Variants in DAB1 observed in about 807,000 individuals in gnomAD.
The protein encoded by DAB1 is disabled homolog 1.
DAB1 carries 15 observed loss-of-function variants against 64.6 expected under a neutral mutation model. The ratio of observed to expected loss-of-function variants is 0.23; its 90% CI spans 0.16 to 0.36. DAB1 has a LOEUF of 0.36. DAB1 is among the 10% of genes least tolerant of loss of function. The pLI is 1.00. For missense variants in DAB1, 596 were observed against 706.7 expected, an observed-to-expected ratio of 0.84 and a Z score of 1.78; for synonymous variants, 235 against 251.9, an observed-to-expected ratio of 0.93 and a Z score of 0.64.
intron 7 of DAB1, among the ~76,000 whole-genome samples, chr1:57,608,151 A>G (rs1213790328): frequency 6.6e-6 from 1 of 152,228 alleles, no homozygotes; most frequent in African/African-American, 2.4e-5. Context: ...GTGTATACAC[A>G]CACATATATA....
intron 2 of DAB1, among the ~76,000 whole-genome samples, chr1:57,261,721 A>G (rs1305607156): frequency 6.6e-6 from 1 of 152,236 alleles, no homozygotes; most frequent in Non-Finnish European, 1.5e-5. Flanking sequence ...ACATGCTAGC[A>G]GAGTGACTTT....
chr1:57,159,756 C>T (rs1660560820), intron 2 of DAB1, among the ~76,000 whole-genome samples: 1 of 147,948 alleles, frequency 6.8e-6, no homozygotes, highest in Non-Finnish European at 1.5e-5. Context: ...TCAGGCTCAG[C>T]AGTTCTATGA....
chr1:57,615,853 C>T (rs114046032), intron 7 of DAB1, among the ~76,000 whole-genome samples: 1,902 of 152,300 alleles, frequency 0.012, 26 homozygotes, highest in African/African-American at 0.038. Context: ...ACTAACAACT[C>T]ATGACTGGAG....
intron 6 of DAB1, among the ~76,000 whole-genome samples, chr1:57,792,849 G>T (rs1384017881): frequency 6.6e-6 from 1 of 152,136 alleles, no homozygotes; most frequent in African/African-American, 2.4e-5. Flanking sequence ...TGATTTCTTT[G>T]AAAATAACAC....
intron 7 of DAB1, among the ~76,000 whole-genome samples, chr1:57,522,759 C>T (rs565557962): frequency 2.3e-4 from 35 of 152,304 alleles, no homozygotes; most frequent in Non-Finnish European, 3.2e-4. Context: ...GGCAGACCCA[C>T]CCTCATTCTG....
At chr1:57,926,692 T>C (rs1644884772) in intron 5 of DAB1, among the ~76,000 whole-genome samples, 1 of 152,226 alleles carries the variant, frequency 6.6e-6, no homozygotes, top group Non-Finnish European at 1.5e-5. Context: ...CATATACAAG[T>C]GTCAGATATG....
At chr1:57,404,069 C>T (rs929565074) in intron 1 of DAB1, among the ~76,000 whole-genome samples, 2 of 151,716 alleles carry the variant, frequency 1.3e-5, no homozygotes, top group Non-Finnish European at 2.9e-5. Flanking sequence ...GATATTCATC[C>T]AAGTGTTAAG....
chr1:58,448,979 G>A (rs1164842128), intron 3 of DAB1, among the ~76,000 whole-genome samples: 1 of 152,206 alleles, frequency 6.6e-6, no homozygotes, highest in Non-Finnish European at 1.5e-5. Context: ...AATAATCATT[G>A]AGGTAGAAAA....
At chr1:57,469,121 T>C (rs2101200937) in intron 7 of DAB1, among the ~76,000 whole-genome samples, 1 of 152,314 alleles carries the variant, frequency 6.6e-6, no homozygotes, top group Non-Finnish European at 1.5e-5. Context: ...TAAAATGTGG[T>C]AAAATGGAAG....
At chr1:58,110,987 T>C (rs561118101) in intron 5 of DAB1, among the ~76,000 whole-genome samples, 1 of 152,320 alleles carries the variant, frequency 6.6e-6, no homozygotes, top group East Asian at 1.9e-4. Flanking sequence ...CCTGACACCT[T>C]GGCCAGGGAA....
At chr1:57,486,984 G>A (rs1043215050) in intron 7 of DAB1, among the ~76,000 whole-genome samples, 4 of 151,002 alleles carry the variant, frequency 2.6e-5, no homozygotes, top group African/African-American at 7.3e-5. Context: ...AAAAAACAAC[G>A]ACCTCGGCAT....
intron 2 of DAB1, among the ~76,000 whole-genome samples, chr1:57,147,927 C>T (rs1028294995): frequency 6.6e-6 from 1 of 152,130 alleles, no homozygotes; most frequent in Non-Finnish European, 1.5e-5. Context: ...TGTCAAAACC[C>T]ACGTTTGTGG....
intron 4 of DAB1, among the ~76,000 whole-genome samples, chr1:58,241,362 A>C (rs1434114867): frequency 7.0e-6 from 1 of 143,114 alleles, no homozygotes; most frequent in African/African-American, 2.7e-5. Flanking sequence ...TCCATTGTTA[A>C]ATGAAATACA....
intron 6 of DAB1, among the ~76,000 whole-genome samples, chr1:57,749,157 G>A (rs1320529264): frequency 2.0e-5 from 3 of 152,168 alleles, no homozygotes; most frequent in East Asian, 3.9e-4. Context: ...GTGGAAGTGA[G>A]GGGAGGGAAT....
chr1:58,377,735 A>C (rs1410578333), intron 3 of DAB1, among the ~76,000 whole-genome samples: 1 of 138,028 alleles, frequency 7.2e-6, no homozygotes, highest in Non-Finnish European at 1.6e-5. Context: ...CTGCCTTGCT[A>C]GATTGGGGAA....
intron 3 of DAB1, among the ~76,000 whole-genome samples, chr1:58,443,178 C>G (rs1422185510): frequency 6.6e-6 from 1 of 152,196 alleles, no homozygotes; most frequent in Non-Finnish European, 1.5e-5. Context: ...ACCTACACTC[C>G]TCAACACATA....
chr1:57,394,395 A>G (rs1370438398), intron 1 of DAB1, among the ~76,000 whole-genome samples: 1 of 152,238 alleles, frequency 6.6e-6, no homozygotes, highest in Non-Finnish European at 1.5e-5. Flanking sequence ...GAAATATAAG[A>G]GATCTCAATC....
At chr1:57,305,064 C>A (rs1674017624) in intron 1 of DAB1, among the ~76,000 whole-genome samples, 1 of 152,210 alleles carries the variant, frequency 6.6e-6, no homozygotes, top group African/African-American at 2.4e-5. Context: ...CAGCGGGAAA[C>A]TGATGACACA....
intron 3 of DAB1, among the ~76,000 whole-genome samples, chr1:58,346,820 G>A (rs887866140): frequency 2.0e-5 from 3 of 152,204 alleles, no homozygotes; most frequent in Non-Finnish European, 2.9e-5. Flanking sequence ...AACACCATGT[G>A]TGAAATGCTT....
Sources: allele counts gnomAD v4.1 joint callset (sites outside exome capture counted in the v4.1 genomes callset), GRCh38; gene constraint gnomAD v4.1.1; transcripts MANE v1.5; gene names NCBI Gene and HGNC (gene_info 2026-07-23, HGNC 2026-07-21).